BIRC6: variants seen among roughly 807,000 people sequenced by gnomAD.
The protein encoded by BIRC6 is baculoviral IAP repeat containing 6.
BIRC6 carries 98 observed loss-of-function variants against 503.3 expected under a neutral mutation model. That is an observed-to-expected ratio of 0.19 (90% CI 0.17 to 0.23). The LOEUF (loss-of-function observed/expected upper bound fraction) is 0.23. Ranked by LOEUF, BIRC6 falls within the 10% of genes least tolerant of loss-of-function variation. BIRC6 has a pLI of 1.00. For synonymous variants in BIRC6, 2,240 were observed against 2,078.7 expected (o/e 1.08, Z -2.11); for missense variants, 5,360 against 5,806.0 (o/e 0.92, Z 2.50).
intron 5 of BIRC6, among the ~76,000 whole-genome samples, chr2:32,394,865 C>G (rs1204864984): frequency 1.3e-5 from 2 of 152,040 alleles, no homozygotes; most frequent in Admixed American, 6.6e-5. Flanking sequence ...AAAAAAACAA[C>G]AAGAGGCTGG....
At chr2:32,441,753 G>T (rs12991060) in intron 17 of BIRC6, among the ~76,000 whole-genome samples, 32,415 of 151,988 alleles carry the variant, frequency 0.21, 4,162 homozygotes, top group East Asian at 0.55. Flanking sequence ...CTCAAGACGT[G>T]GGGGTAGGAG....
rs370529825 is a variant in BIRC6, at chr2:32,430,805, CTTTTTTTTTTT to C, written c.3023-49_3023-39del. The C allele has an allele frequency of 7.0e-5, 34 of 484,802 alleles. 1 individual carries two copies. Among genetic ancestry groups the C allele is most frequent in the Non-Finnish European group, 1.1e-4 (33 of 287,154 alleles). The allele number at this position is 484,802 out of a possible 1,614,324, so 30.0% of individuals were successfully genotyped here. A position where few individuals can be genotyped will look rare whatever the true frequency, so the allele number is the denominator to read the frequency against. On this transcript the variant is annotated intron_variant, in intron 11 of 73. Transcript: ENST00000421745. ...AATTAAAACTTCACTTCATTGTCTT[CTTTTTTTTTTT>C]TTTTTTTTTTCCACACCTATTTCAA...
chr2:32,591,112 G>C (rs2061357869), intron 66 of BIRC6: 1 of 425,614 alleles, frequency 2.3e-6, no homozygotes, highest in Admixed American at 6.4e-5. Flanking sequence ...CAGGTAGTGT[G>C]TGTTCTTCAT....
At chr2:32,372,062 C>T (rs1438580342) in intron 1 of BIRC6, among the ~76,000 whole-genome samples, 1 of 152,180 alleles carries the variant, frequency 6.6e-6, no homozygotes, top group African/African-American at 2.4e-5. Context: ...GCCTCGGCCT[C>T]TTGAAGTGCT....
rs780376606 is a variant in BIRC6 at position 32,518,318 on chromosome 2, C to T, written c.11414C>T (p.Ser3805Leu). 1 of 1,612,096 alleles carries T rather than the reference C, an allele frequency of 6.2e-7. No individual in the cohort carries two copies. Among genetic ancestry groups the T allele is most frequent in the Admixed American group, 1.7e-5 (1 of 59,540 alleles). ...AACCTTCCAACATCTGGGAACATTT[C>T]AGGGTTTATACGAAGATTATTTTTA... ...RGNLPTSGNI[S>L]GFIRRLFLQL... Residue 3805 changes from serine (S) to leucine (L), a missense_variant, in exon 56 of 74, where the codon TCA (serine) becomes TTA (leucine). Ser to Leu is a moderately radical substitution (Grantham distance 145, BLOSUM62 -2). Transcript: ENST00000421745.
chr2:32,610,025 T>A (rs1375475480), intron 72 of BIRC6, among the ~76,000 whole-genome samples: 1 of 152,178 alleles, frequency 6.6e-6, no homozygotes, highest in Non-Finnish European at 1.5e-5. Context: ...TAAAATATAT[T>A]TTTTTGGTAC....
At chr2:32,514,147 C>T (rs1293618629) in intron 54 of BIRC6, among the ~76,000 whole-genome samples, 1 of 151,924 alleles carries the variant, frequency 6.6e-6, no homozygotes, top group Non-Finnish European at 1.5e-5. Flanking sequence ...ATAGAGAGAC[C>T]AAATCTCTAC....
chr2:32,360,357 A>G (rs139077972), intron 1 of BIRC6, among the ~76,000 whole-genome samples: 1 of 152,372 alleles, frequency 6.6e-6, no homozygotes, highest in African/African-American at 2.4e-5. Context: ...GTTTATAAAT[A>G]CAGTTTAACT....
chr2:32,449,464 AT>A (rs2046446007), intron 22 of BIRC6, among the ~76,000 whole-genome samples: 6 of 152,190 alleles, frequency 3.9e-5, no homozygotes, highest in Non-Finnish European at 8.8e-5. Flanking sequence ...CACTATTTTT[AT>A]AATCTTTTTA....
intron 25 of BIRC6, 36 bp from the exon 26 acceptor site, chr2:32,465,029 A>G (rs941734417): frequency 6.3e-5 from 88 of 1,393,336 alleles, no homozygotes; most frequent in Non-Finnish European, 8.6e-5. Context: ...AGTAATATCA[A>G]TATAAAGTTA....
chr2:32,525,538 C>T lies in BIRC6; in HGVS notation c.11830C>T (p.Pro3944Ser). 1 of 1,613,924 alleles carries T rather than the reference C, an allele frequency of 6.2e-7. No homozygotes were observed. Among genetic ancestry groups the T allele is most frequent in the Non-Finnish European group, 8.5e-7 (1 of 1,179,846 alleles). ...RPPSRRGRTI[P>S]DKIGSTSGAE... The stretch of plus-strand genomic sequence containing the variant: ...ACCATCCAGGAGGGGGAGGACAATA[C>T]CTGATAAAATAGGAAGTACTTCAGG... Residue 3944 changes from proline to serine, a missense_variant, in exon 59 of 74, where the codon CCT becomes TCT. Pro to Ser is a moderately conservative substitution (Grantham distance 74). Transcript: ENST00000421745.
Position 32,488,722 on chromosome 2 carries a change from T to A in BIRC6, c.8095+8T>A. On this transcript the variant is annotated splice_region_variant and intron_variant, in intron 42 of 73. Coordinates refer to ENST00000421745, the MANE Select transcript of BIRC6 (RefSeq NM_016252.4). ...TTATTTCATTAAATCAAGGTAAGAT[T>A]TATTAGGAGAAAAACATTATAGTCT... is the stretch of plus-strand genomic sequence containing the variant. 1.5e-6 allele frequency: 2 copies of A among 1,367,016 alleles called. No homozygotes were observed. Among genetic ancestry groups the A allele is most frequent in the Non-Finnish European group, 2.0e-6 (2 of 1,007,640 alleles). 84.7% of individuals were successfully genotyped at this position (1,367,016 alleles called of 1,614,324 possible). A position where few individuals can be genotyped will look rare whatever the true frequency, so the allele number is the denominator to read the frequency against.
Position 32,442,454 on chromosome 2 carries a change from AG to A in BIRC6, c.4238+1del. On this transcript the variant is annotated frameshift_variant and splice_region_variant, in exon 19 of 74. Coordinates refer to ENST00000421745, the MANE Select transcript of BIRC6 (RefSeq NM_016252.4). LOFTEE classifies it high-confidence loss of function. ...TGCCCGATTTCTAGCCTTGTGCATT[AG>A]GTTGGTATGTTTTTAAGTTGAAAGC... ...KCARFLALCISNGKCDPCQPA... is the reference protein window; with the variant it reads ...KCARFLALCIXNGKCDPCQPA... 6.3e-7 allele frequency: 1 copy of A among 1,598,920 alleles called. No homozygotes were observed. The highest frequency in any genetic ancestry group is 1.3e-5 in the African/African-American group (1 of 74,758).
intron 65 of BIRC6, among the ~76,000 whole-genome samples, chr2:32,568,533 A>G (rs1440274331): frequency 6.6e-6 from 1 of 151,298 alleles, no homozygotes; most frequent in Non-Finnish European, 1.5e-5. Flanking sequence ...ATATTAATGT[A>G]AAGTTATTTT....
chr2:32,455,055 A>T (rs1348491138), intron 23 of BIRC6, among the ~76,000 whole-genome samples: 1 of 152,156 alleles, frequency 6.6e-6, no homozygotes, highest in Non-Finnish European at 1.5e-5. Context: ...TTTATTATAA[A>T]TCAGGACCTT....
intron 66 of BIRC6, among the ~76,000 whole-genome samples, chr2:32,580,471 T>G (rs2060597164): frequency 6.6e-6 from 1 of 151,988 alleles, no homozygotes; most frequent in South Asian, 2.1e-4. Flanking sequence ...CCTTGAAAAG[T>G]TTGGTGTGCC....
At chr2:32,441,654 A>G (rs1351457043) in intron 17 of BIRC6, among the ~76,000 whole-genome samples, 192 bp downstream of exon 17, 4 of 152,138 alleles carry the variant, frequency 2.6e-5, no homozygotes, top group African/African-American at 4.8e-5. Flanking sequence ...GTGTCCGCAC[A>G]GTGCTTGTTG....
intron 9 of BIRC6, among the ~76,000 whole-genome samples, chr2:32,409,685 G>A (rs1210099715): frequency 6.6e-6 from 1 of 152,166 alleles, no homozygotes; most frequent in Admixed American, 6.5e-5. Context: ...TTTTAAAAGA[G>A]TGCCTAGATA....
At position 32,357,323 on chromosome 2, in the gene BIRC6, G is replaced by T; in HGVS notation, c.162G>T (p.Glu54Asp). The T allele has an allele frequency of 6.5e-7, 1 of 1,535,738 alleles. No individual in the cohort carries two copies. ...GGGCGGGGGCGGCCGGGGTCTCAGA[G>T]TGGCTGGTGCTGCGGGACGGCTGCA... ...AAGAGAAGVS[E>D]WLVLRDGCMH... The change falls in exon 1 of 74, where the codon GAG becomes GAT. Residue 54 changes from glutamate to aspartate, a missense_variant. By Grantham distance (45) the Glu-to-Asp change is conservative (BLOSUM62 2). This residue lies in a region of BIRC6 where 145 missense variants were observed against 106.9 expected (regional missense o/e 1.36). Transcript: ENST00000421745. This position sits in a 1 kb window ranked among gnomAD's most constrained non-coding sequence, Gnocchi z 4.9.
Sources: allele counts gnomAD v4.1 joint callset (sites outside exome capture counted in the v4.1 genomes callset), GRCh38; gene constraint gnomAD v4.1.1; regional missense constraint gnomAD v4.1.1; non-coding constraint Gnocchi (gnomAD v3.1); transcripts MANE v1.5; gene names NCBI Gene and HGNC (gene_info 2026-07-23, HGNC 2026-07-21).